Variants in TBC1D5 observed in about 807,000 individuals in gnomAD.
TBC1D5 encodes TBC1 domain family, member 5.
A neutral mutation model predicts 100.3 loss-of-function variants in TBC1D5; 75 were observed. The observed-to-expected ratio is 0.75, with a 90% CI of 0.62 to 0.91. TBC1D5 has a LOEUF of 0.91. Ranked by LOEUF, TBC1D5 falls within the 40% of genes least tolerant of loss-of-function variation. The pLI is 0.00. For synonymous variants in TBC1D5, 323 were observed against 325.6 expected (o/e 0.99, Z 0.09); for missense variants, 910 against 942.4 (o/e 0.97, Z 0.45).
At chr3:17,288,906 C>A (rs1217030855) in intron 15 of TBC1D5, among the ~76,000 whole-genome samples, 3 of 152,158 alleles carry the variant, frequency 2.0e-5, no homozygotes. Context: ...AGCAGCAAGG[C>A]CGAACCAGCC....
At chr3:17,467,907 C>T (rs1212425639) in intron 3 of TBC1D5, among the ~76,000 whole-genome samples, 4 of 152,100 alleles carry the variant, frequency 2.6e-5, no homozygotes, top group African/African-American at 9.7e-5. Flanking sequence ...ATGACAACTC[C>T]CCTTCCCCCA....
chr3:17,546,319 A>G (rs191712595), intron 2 of TBC1D5, among the ~76,000 whole-genome samples: 1 of 152,190 alleles, frequency 6.6e-6, no homozygotes, highest in Non-Finnish European at 1.5e-5. Context: ...TACACAACTT[A>G]ATTTTATATT....
intron 3 of TBC1D5, among the ~76,000 whole-genome samples, chr3:17,433,842 G>A (rs1029101303): frequency 3.3e-5 from 5 of 152,148 alleles, no homozygotes; most frequent in African/African-American, 1.2e-4. Flanking sequence ...TACAATGGGG[G>A]TACAGGCATT....
rs141027649 is a variant in TBC1D5 at position 17,201,260 on chromosome 3, G to A, written c.1752+12947C>T. 2.8e-3 allele frequency among the ~76,000 whole-genome samples: 428 copies of A among 152,148 alleles called. 1 individual carries two copies. The highest frequency in any genetic ancestry group is 0.014 in the Middle Eastern group (4 of 294). ...AATTTGGAGAGTGAAAAAAAACACG[G>A]CCCCTTCTCTAGGCAAATATGAACC... On this transcript the variant is annotated intron_variant, in intron 18 of 21. Coordinates refer to ENST00000253692, the Ensembl canonical transcript of TBC1D5.
At chr3:17,581,144 C>G (rs933752480) in intron 2 of TBC1D5, among the ~76,000 whole-genome samples, 1 of 152,102 alleles carries the variant, frequency 6.6e-6, no homozygotes, top group Non-Finnish European at 1.5e-5. Flanking sequence ...GGACAGTTCC[C>G]CTGCACACAC....
At chr3:17,646,275 C>T (rs931506455) in intron 1 of TBC1D5, among the ~76,000 whole-genome samples, 2 of 152,120 alleles carry the variant, frequency 1.3e-5, no homozygotes, top group African/African-American at 4.8e-5. Flanking sequence ...GGATTCTCCC[C>T]TAGAACCTTT....
At chr3:17,482,160 A>G (rs1334103130) in intron 3 of TBC1D5, among the ~76,000 whole-genome samples, 1 of 152,240 alleles carries the variant, frequency 6.6e-6, no homozygotes, top group Admixed American at 6.5e-5. Flanking sequence ...TCCAAAACTT[A>G]AACAAGAGTC....
intron 2 of TBC1D5, among the ~76,000 whole-genome samples, chr3:17,523,393 T>C (rs1487019998): frequency 6.6e-6 from 1 of 152,138 alleles, no homozygotes; most frequent in African/African-American, 2.4e-5. Context: ...ACTAGAATGT[T>C]ACAGCAAAGA....
At chr3:17,724,112 CTG>C (rs1298160702) in intron 1 of TBC1D5, among the ~76,000 whole-genome samples, 12 of 142,404 alleles carry the variant, frequency 8.4e-5, no homozygotes, top group African/African-American at 3.2e-4. Context: ...AACTCTCACT[CTG>C]TGTTATCCAG....
intron 15 of TBC1D5, among the ~76,000 whole-genome samples, chr3:17,279,547 G>C (rs2080353860): frequency 6.6e-6 from 1 of 152,122 alleles, no homozygotes; most frequent in African/African-American, 2.4e-5. Flanking sequence ...AATATAAACA[G>C]AAGTTTCATT....
chr3:17,677,097 G>T (rs1271359205), intron 1 of TBC1D5, among the ~76,000 whole-genome samples: 1 of 152,134 alleles, frequency 6.6e-6, no homozygotes, highest in Non-Finnish European at 1.5e-5. Context: ...CATGGGCAAG[G>T]ACTTCAAGTC....
intron 13 of TBC1D5, among the ~76,000 whole-genome samples, chr3:17,354,896 A>G: frequency 6.6e-6 from 1 of 152,074 alleles, no homozygotes; most frequent in Non-Finnish European, 1.5e-5. Context: ...ATGCACACGG[A>G]CAAATTCAGT....
intron 1 of TBC1D5, among the ~76,000 whole-genome samples, chr3:17,641,482 A>G (rs2064497672): frequency 6.6e-6 from 1 of 152,136 alleles, no homozygotes; most frequent in Non-Finnish European, 1.5e-5. Flanking sequence ...GACCTAACTC[A>G]TAAGGTATTG....
intron 2 of TBC1D5, among the ~76,000 whole-genome samples, chr3:17,598,449 G>A (rs543934917): frequency 6.6e-6 from 1 of 152,252 alleles, no homozygotes; most frequent in South Asian, 2.1e-4. Context: ...TAAATTCTCA[G>A]TTCCAGACTT....
At chr3:17,602,696 C>T (rs1021094417) in intron 2 of TBC1D5, among the ~76,000 whole-genome samples, 1 of 150,960 alleles carries the variant, frequency 6.6e-6, no homozygotes, top group Non-Finnish European at 1.5e-5. Flanking sequence ...TCTCAGCCTC[C>T]CAAGTAGCCG....
intron 4 of TBC1D5, among the ~76,000 whole-genome samples, chr3:17,410,445 TA>T (rs2093894119): frequency 6.6e-6 from 1 of 152,188 alleles, no homozygotes. Context: ...GAGTCATTTC[TA>T]ATTTCAAGTT....
chr3:17,557,593 C>T (rs1453282783), intron 2 of TBC1D5, among the ~76,000 whole-genome samples: 1 of 152,046 alleles, frequency 6.6e-6, no homozygotes, highest in African/African-American at 2.4e-5. Flanking sequence ...CTCTGTCACC[C>T]AGGCTGGAGT....
intron 15 of TBC1D5, among the ~76,000 whole-genome samples, chr3:17,271,580 C>T (rs2079430232): frequency 6.6e-6 from 1 of 152,060 alleles, no homozygotes; most frequent in Non-Finnish European, 1.5e-5. Flanking sequence ...TTTTTTCCTA[C>T]TTGGAAGCCA....
chr3:17,235,281 T>C (rs1267282007), intron 17 of TBC1D5, among the ~76,000 whole-genome samples: 8 of 152,194 alleles, frequency 5.3e-5, no homozygotes, highest in Admixed American at 2.6e-4. Context: ...TATCTAAGCA[T>C]ACAAGCACAA....
Sources: allele counts gnomAD v4.1 joint callset (sites outside exome capture counted in the v4.1 genomes callset), GRCh38; gene constraint gnomAD v4.1.1; transcripts MANE v1.5; gene names NCBI Gene and HGNC (gene_info 2026-07-23, HGNC 2026-07-21).